The following NCOA5 variants were observed in gnomAD, a reference collection of about 807,000 sequenced individuals.
NCOA5 encodes the protein NCoA-5.
In NCOA5, 12 loss-of-function variants were observed where a neutral mutation model predicts 59.0. That is an observed-to-expected ratio of 0.20 (90% CI 0.13 to 0.33). The LOEUF is 0.33. NCOA5 is among the 10% of genes least tolerant of loss of function. The probability of loss-of-function intolerance (pLI) is 1.00; values close to 1 mark genes in which losing one functional copy is unlikely to be tolerated. For synonymous variants in NCOA5, 270 were observed against 275.5 expected (o/e 0.98, Z 0.20); for missense variants, 655 against 766.6 (o/e 0.85, Z 1.72).
chr20:46,084,841 C>T (rs937694378), intron 1 of NCOA5, among the ~76,000 whole-genome samples: 2 of 151,944 alleles, frequency 1.3e-5, no homozygotes, highest in Admixed American at 1.3e-4. Flanking sequence ...TTTTAAAATA[C>T]AGATTTAAAA....
At chr20:46,078,149 C>A (rs1274298945) in intron 2 of NCOA5, among the ~76,000 whole-genome samples, 1 of 151,960 alleles carries the variant, frequency 6.6e-6, no homozygotes, top group Non-Finnish European at 1.5e-5. Context: ...GCAGAGTGGA[C>A]AAAGACTCCA....
At chr20:46,077,707 T>C (rs763548658) in intron 2 of NCOA5, among the ~76,000 whole-genome samples, 4 of 152,172 alleles carry the variant, frequency 2.6e-5, no homozygotes, top group Non-Finnish European at 4.4e-5. Context: ...CTTTGGAAAT[T>C]GGATACACAC....
At position 46,065,202 on chromosome 20, in the gene NCOA5, T is replaced by G; in HGVS notation, c.656A>C (p.Lys219Thr). ...CACTACCATGCCCAGGTCTCGCACC[T>G]TCCGCCCCACAGACTCAGCATAGTC... ...TKDYAESVGR[K>T]VRDLGMVVDL... Residue 219 changes from lysine (K) to threonine (T), a missense_variant, in exon 6 of 8, where the codon AAG becomes ACG. Transcript: ENST00000290231. 6.2e-7 allele frequency: 1 copy of G among 1,614,194 alleles called. No individual in the cohort carries two copies.
chr20:46,065,239 A>G lies in NCOA5; in HGVS notation c.630-11T>C, dbSNP rs765556233. On this transcript the variant is annotated splice_polypyrimidine_tract_variant and intron_variant, in intron 5 of 7. Transcript: ENST00000290231. Reference sequence around the variant, plus strand: ...GACTCAGCATAGTCTCTGTAAAAATAAATAAGATCCAGGTGAGCGACCAAC... The same window carrying G: ...GACTCAGCATAGTCTCTGTAAAAATGAATAAGATCCAGGTGAGCGACCAAC... 3.7e-6 allele frequency: 6 copies of G among 1,614,118 alleles called. No homozygotes were observed. In the Admixed American group the frequency reaches 1.0e-4, roughly 27 times the overall value.
intron 1 of NCOA5, among the ~76,000 whole-genome samples, chr20:46,083,373 C>T (rs1431863833): frequency 1.3e-5 from 2 of 152,170 alleles, no homozygotes; most frequent in African/African-American, 4.8e-5. Flanking sequence ...GACCAATCCG[C>T]TTTTTGCTCC....
In NCOA5 at chr20:46,062,219, C is replaced by T; in HGVS notation, c.*81G>A. The T allele has an allele frequency of 9.0e-7, 1 of 1,116,870 alleles. No homozygotes were observed. The highest frequency in any genetic ancestry group is 1.3e-6 in the Non-Finnish European group (1 of 788,610). 69.2% of individuals were successfully genotyped at this position (1,116,870 alleles called of 1,614,324 possible). A position where few individuals can be genotyped will look rare whatever the true frequency, so the allele number is the denominator to read the frequency against. On this transcript the variant is annotated 3_prime_UTR_variant, in exon 8 of 8. Transcript: ENST00000290231. Reference sequence around the variant, plus strand: ...CCGGCCTGGGAGCGCAGAGAACATCCTCCAAACAGCTCTATTTAGAACAAG... The same window carrying T: ...CCGGCCTGGGAGCGCAGAGAACATCTTCCAAACAGCTCTATTTAGAACAAG...
chr20:46,067,823 A>C (rs2084840311), intron 4 of NCOA5, among the ~76,000 whole-genome samples: 1 of 152,214 alleles, frequency 6.6e-6, no homozygotes, highest in South Asian at 2.1e-4. Flanking sequence ...TTATAAAAAA[A>C]ACCAAAAACC....
chr20:46,079,547 C>A lies in NCOA5; in HGVS notation c.-29-94G>T, dbSNP rs2084970233. ...ATGAAAGCAACAACAACAAAAACTA[C>A]AATGACAACCAGATGGTGTAAGAAA... On this transcript the variant is annotated intron_variant, in intron 1 of 7. Transcript: ENST00000290231. The A allele has an allele frequency of 5.9e-6, 6 of 1,010,930 alleles. No homozygotes were observed. In the Admixed American group the frequency reaches 1.0e-4, roughly 17 times the overall value. The allele number at this position is 1,010,930 out of a possible 1,614,324, so 62.6% of individuals were successfully genotyped here.
intron 1 of NCOA5, among the ~76,000 whole-genome samples, chr20:46,089,237 C>A (rs2085074144): frequency 6.6e-6 from 1 of 152,184 alleles, no homozygotes. Context: ...TCCCCGTTCT[C>A]TGGGCCCGAG....
At chr20:46,086,856 G>GAT (rs1449486698) in intron 1 of NCOA5, among the ~76,000 whole-genome samples, 2 of 151,134 alleles carry the variant, frequency 1.3e-5, no homozygotes, top group African/African-American at 4.8e-5. Flanking sequence ...AAGGCATCAT[G>GAT]ATAACTTCCT....
chr20:46,079,242 C>T, intron 2 of NCOA5, 145 bp downstream of exon 2: 1 of 719,742 alleles, frequency 1.4e-6, no homozygotes, highest in East Asian at 2.6e-5. Context: ...AGCAGCAAGG[C>T]CCTTCACACA....
At chr20:46,077,264 G>A (rs1253927122) in intron 2 of NCOA5, among the ~76,000 whole-genome samples, 1 of 151,984 alleles carries the variant, frequency 6.6e-6, no homozygotes, top group Admixed American at 6.6e-5. Flanking sequence ...TGTTTGTGCG[G>A]GGACTATTAT....
intron 2 of NCOA5, among the ~76,000 whole-genome samples, chr20:46,078,744 T>C (rs1439851292): frequency 6.6e-6 from 1 of 152,136 alleles, no homozygotes; most frequent in Non-Finnish European, 1.5e-5. Flanking sequence ...ATTTAATGTG[T>C]ATCTTGAGGG....
At chr20:46,079,115 C>T (rs2084967237) in intron 2 of NCOA5, among the ~76,000 whole-genome samples, 1 of 152,130 alleles carries the variant, frequency 6.6e-6, no homozygotes, top group African/African-American at 2.4e-5. Flanking sequence ...GAGCTGGGGA[C>T]AGACAGAGGT....
intron 1 of NCOA5, among the ~76,000 whole-genome samples, chr20:46,082,733 T>G (rs1404131365): frequency 2.0e-5 from 3 of 152,148 alleles, no homozygotes; most frequent in Admixed American, 6.5e-5. Flanking sequence ...CTGAAAACAG[T>G]TAAAAGCACT....
In NCOA5 at chr20:46,080,017, A is replaced by AATT. The variant is rs1202428037; in HGVS notation, c.-29-567_-29-565dup. 3.3e-3 allele frequency among the ~76,000 whole-genome samples: 497 copies of AATT among 152,260 alleles called. 3 individuals carry two copies. The highest frequency in any genetic ancestry group is 0.011 in the African/African-American group (474 of 41,542). ...TTCCAGAATAACATGCAGGAAAGAAAATTATTATTATTATTTTTAATAAAC... is the reference window on the plus strand; with the variant it reads ...TTCCAGAATAACATGCAGGAAAGAAAATTATTATTATTATTATTTTTAATAAAC... On this transcript the variant is annotated intron_variant, in intron 1 of 7. Transcript: ENST00000290231.
intron 2 of NCOA5, among the ~76,000 whole-genome samples, chr20:46,074,433 T>C (rs2084914925): frequency 6.6e-6 from 1 of 152,164 alleles, no homozygotes; most frequent in Admixed American, 6.5e-5. Context: ...TACCCTCAGG[T>C]ACTACATCAC....
At chr20:46,078,601 A>T (rs186954023) in intron 2 of NCOA5, among the ~76,000 whole-genome samples, 12 of 152,340 alleles carry the variant, frequency 7.9e-5, no homozygotes, top group African/African-American at 2.9e-4. Context: ...GAAATATATC[A>T]TATCTGTCTG....
At chr20:46,088,964 G>A (rs896887404) in intron 1 of NCOA5, among the ~76,000 whole-genome samples, 1 of 152,202 alleles carries the variant, frequency 6.6e-6, no homozygotes, top group Non-Finnish European at 1.5e-5. Flanking sequence ...GTTTGTGATT[G>A]AAGTTGCCGC....
Sources: gnomAD v4.1 joint callset for allele counts (sites outside exome capture counted in the v4.1 genomes callset) on GRCh38, gnomAD v4.1.1 for gene constraint, MANE v1.5 for transcripts, NCBI Gene and HGNC (gene_info 2026-07-23, HGNC 2026-07-21) for gene names.